The following ERGIC1 variants were observed in gnomAD, a reference collection of about 807,000 sequenced individuals.
ERGIC1 encodes endoplasmic reticulum-Golgi intermediate compartment protein 1.
In ERGIC1, 19 loss-of-function variants were observed where a neutral mutation model predicts 38.3. The observed-to-expected ratio is 0.50, with a 90% CI of 0.35 to 0.73. The LOEUF (loss-of-function observed/expected upper bound fraction) is 0.73. ERGIC1 is among the 30% of genes least tolerant of loss of function. The pLI is 0.01. For synonymous variants in ERGIC1, 124 were observed against 157.6 expected (o/e 0.79, Z 1.60); for missense variants, 294 against 389.2 (o/e 0.76, Z 2.06).
intron 6 of ERGIC1, among the ~76,000 whole-genome samples, chr5:172,925,443 C>T (rs1339541804): frequency 6.6e-6 from 1 of 152,096 alleles, no homozygotes; most frequent in Admixed American, 6.6e-5. Flanking sequence ...GCAGTTCCTT[C>T]CAGTTGTTGA....
intron 1 of ERGIC1, among the ~76,000 whole-genome samples, chr5:172,884,870 T>C (rs1762379935): frequency 6.6e-6 from 1 of 152,194 alleles, no homozygotes; most frequent in South Asian, 2.1e-4. Context: ...AAATGATTAA[T>C]TCATACTGAT....
chr5:172,890,434 T>G (rs60766473), intron 2 of ERGIC1, among the ~76,000 whole-genome samples: 13,578 of 152,206 alleles, frequency 0.089, 1,021 homozygotes, highest in African/African-American at 0.21. Flanking sequence ...CCAAATAAAG[T>G]CCGTAGCCAA....
At chr5:172,871,030 A>G (rs905959987) in intron 1 of ERGIC1, among the ~76,000 whole-genome samples, 1 of 152,244 alleles carries the variant, frequency 6.6e-6, no homozygotes, top group Non-Finnish European at 1.5e-5. Flanking sequence ...TGAGGGGAAG[A>G]CACCAATAGT....
intron 7 of ERGIC1, among the ~76,000 whole-genome samples, chr5:172,927,884 C>T (rs1426304809): frequency 6.6e-6 from 1 of 152,184 alleles, no homozygotes; most frequent in Non-Finnish European, 1.5e-5. Context: ...TCTGTCGTTT[C>T]CTGTGTTTCA....
At chr5:172,948,072 T>C (rs1463077362) in intron 9 of ERGIC1, among the ~76,000 whole-genome samples, 1 of 152,188 alleles carries the variant, frequency 6.6e-6, no homozygotes, top group African/African-American at 2.4e-5. Flanking sequence ...AAAGTCCCCC[T>C]GCGTCATGTT....
chr5:172,877,880 C>G (rs1762185949), intron 1 of ERGIC1, among the ~76,000 whole-genome samples: 1 of 152,158 alleles, frequency 6.6e-6, no homozygotes, highest in Non-Finnish European at 1.5e-5. Context: ...GATTCAAGGA[C>G]AAATCTGACC....
intron 1 of ERGIC1, among the ~76,000 whole-genome samples, chr5:172,848,600 A>G (rs748554269): frequency 6.6e-6 from 1 of 152,112 alleles, no homozygotes; most frequent in Non-Finnish European, 1.5e-5. Flanking sequence ...TGTCTTCCTT[A>G]TGGAGTCTGA....
At chr5:172,923,637 C>T (rs566864646) in intron 5 of ERGIC1, among the ~76,000 whole-genome samples, 24 of 152,286 alleles carry the variant, frequency 1.6e-4, no homozygotes, top group African/African-American at 5.1e-4. Context: ...AGTCTGCAAG[C>T]TCAAAGGTCA....
At chr5:172,872,837 A>AAAGAAAAT (rs1762049755) in intron 1 of ERGIC1, among the ~76,000 whole-genome samples, 2 of 151,990 alleles carry the variant, frequency 1.3e-5, no homozygotes, top group Non-Finnish European at 2.9e-5. Flanking sequence ...AAAAAGAAAA[A>AAAGAAAAT]AGAAAAGAAA....
intron 1 of ERGIC1, among the ~76,000 whole-genome samples, chr5:172,849,180 A>G (rs550879840): frequency 3.9e-5 from 6 of 152,272 alleles, no homozygotes; most frequent in African/African-American, 1.4e-4. Context: ...CCCTAGCTCT[A>G]CTTTCCGACC....
chr5:172,932,787 A>G, intron 8 of ERGIC1: 2 of 507,044 alleles, frequency 3.9e-6, no homozygotes, highest in East Asian at 3.5e-5. Flanking sequence ...GACAAAGAGC[A>G]GGTAGTCTCT....
intron 1 of ERGIC1, among the ~76,000 whole-genome samples, chr5:172,849,757 A>G (rs1251576709): frequency 6.6e-6 from 1 of 152,218 alleles, no homozygotes; most frequent in African/African-American, 2.4e-5. Context: ...GTCCTGGTGC[A>G]TAGCACAAGA....
At chr5:172,839,173 G>A (rs920098138) in intron 1 of ERGIC1, among the ~76,000 whole-genome samples, 5 of 151,192 alleles carry the variant, frequency 3.3e-5, no homozygotes, top group East Asian at 1.9e-4. Context: ...CCCGGGAGAC[G>A]GAGGTTGCAG....
intron 3 of ERGIC1, chr5:172,897,883 C>T (rs535381351): frequency 2.9e-5 from 12 of 413,920 alleles, no homozygotes; most frequent in Admixed American, 1.8e-4. Flanking sequence ...CAGTGGCTGA[C>T]GCAGAGTTAA....
At chr5:172,897,353 T>TGCCTCAGCTACTG (rs1186677557) in intron 3 of ERGIC1, among the ~76,000 whole-genome samples, 2 of 149,262 alleles carry the variant, frequency 1.3e-5, no homozygotes, top group African/African-American at 2.5e-5. Flanking sequence ...TGCTTGACCC[T>TGCCTCAGCTACTG]GGGAGGCAGA....
intron 9 of ERGIC1, among the ~76,000 whole-genome samples, chr5:172,948,153 T>C (rs932994593): frequency 2.0e-5 from 3 of 152,064 alleles, no homozygotes; most frequent in African/African-American, 7.2e-5. Context: ...CCCCCAGTCC[T>C]CTCCACTCCC....
chr5:172,849,452 A>G (rs1761350814), intron 1 of ERGIC1, among the ~76,000 whole-genome samples: 1 of 152,204 alleles, frequency 6.6e-6, no homozygotes, highest in Non-Finnish European at 1.5e-5. Flanking sequence ...TAACTCTGGA[A>G]CTGGGTACCA....
At chr5:172,905,875 C>A (rs925298110) in intron 3 of ERGIC1, among the ~76,000 whole-genome samples, 1 of 152,214 alleles carries the variant, frequency 6.6e-6, no homozygotes, top group Non-Finnish European at 1.5e-5. Context: ...TGTCCCTCCC[C>A]CTGTGCTCTC....
chr5:172,915,080 G>A (rs1002017507), intron 5 of ERGIC1: 5 of 719,958 alleles, frequency 6.9e-6, no homozygotes, highest in Admixed American at 4.0e-5. Context: ...CTCCAGTGAG[G>A]GGGACAATGA....
Sources: gnomAD v4.1 joint callset for allele counts (sites outside exome capture counted in the v4.1 genomes callset) on GRCh38, gnomAD v4.1.1 for gene constraint, MANE v1.5 for transcripts, NCBI Gene and HGNC (gene_info 2026-07-23, HGNC 2026-07-21) for gene names.